Variants in SCOC observed in about 807,000 individuals in gnomAD.
SCOC encodes short coiled coil protein.
SCOC carries 7 observed loss-of-function variants against 9.9 expected under a neutral mutation model. The observed-to-expected ratio is 0.71, with a 90% CI of 0.40 to 1.33. The LOEUF (loss-of-function observed/expected upper bound fraction) is 1.33, where lower values mean the gene tolerates loss of function less well. Ranked by LOEUF, SCOC falls within the 40% of genes most tolerant of loss-of-function variation. The probability of loss-of-function intolerance (pLI) is 0.01; values close to 1 mark genes in which losing one functional copy is unlikely to be tolerated. For missense variants in SCOC, 66 were observed against 89.7 expected, an observed-to-expected ratio of 0.74 and a Z score of 1.07; for synonymous variants, 19 against 28.2, an observed-to-expected ratio of 0.67 and a Z score of 1.03.
Position 140,385,675 on chromosome 4 carries a change from A to G in SCOC, c.*4571A>G, listed in dbSNP as rs1289811943. 1 of 152,258 alleles carries G rather than the reference A, an allele frequency of 6.6e-6. No homozygotes were observed. The highest frequency in any genetic ancestry group is 1.5e-5 in the Non-Finnish European group (1 of 68,046). The allele number at this position is 152,258 out of a possible 1,614,324, so 9.4% of individuals were successfully genotyped here. ...CCAAAGAAAAGCAAAATAGATCTTT[A>G]GAATGTAAAGCCATTCTTTACTTTG... is the stretch of plus-strand genomic sequence containing the variant. On this transcript the variant is annotated 3_prime_UTR_variant, in exon 4 of 4. Coordinates refer to ENST00000608372, the MANE Select transcript of SCOC (RefSeq NM_001153484.2).
intron 3 of SCOC, among the ~76,000 whole-genome samples, chr4:140,379,928 G>A (rs1381191022): frequency 6.6e-6 from 1 of 152,092 alleles, no homozygotes; most frequent in Non-Finnish European, 1.5e-5. Context: ...GTGTTACTAA[G>A]TCCGCTTTAA....
intron 2 of SCOC, among the ~76,000 whole-genome samples, chr4:140,351,562 G>A (rs974783741): frequency 1.3e-5 from 2 of 152,004 alleles, no homozygotes; most frequent in Non-Finnish European, 2.9e-5. Context: ...TCATTGTAAG[G>A]TTGTAATATG....
At chr4:140,296,805 C>T (rs75882025) in intron 1 of SCOC, among the ~76,000 whole-genome samples, 4,614 of 152,230 alleles carry the variant, frequency 0.03, 199 homozygotes, top group African/African-American at 0.11. Context: ...TTCACTATCC[C>T]TGAACACAAA....
At chr4:140,327,511 G>C (rs1365664289) in intron 1 of SCOC, among the ~76,000 whole-genome samples, 2 of 152,176 alleles carry the variant, frequency 1.3e-5, no homozygotes, top group Admixed American at 6.5e-5. Context: ...AAACATGCTT[G>C]ACACATAGCC....
intron 1 of SCOC, among the ~76,000 whole-genome samples, chr4:140,313,508 T>TC (rs1211980679): frequency 6.6e-6 from 1 of 152,156 alleles, no homozygotes; most frequent in African/African-American, 2.4e-5. Flanking sequence ...TGCCTTAGCC[T>TC]CCCAAAGTGC....
At chr4:140,343,152 A>T (rs993160808), upstream of SCOC, among the ~76,000 whole-genome samples, 2 of 152,118 alleles carry the variant, frequency 1.3e-5, no homozygotes, top group Admixed American at 6.5e-5. Flanking sequence ...TTATCCTCAT[A>T]TTACAGATAG....
chr4:140,368,455 G>A (rs527914638), intron 2 of SCOC, among the ~76,000 whole-genome samples: 3 of 152,126 alleles, frequency 2.0e-5, no homozygotes, highest in South Asian at 2.1e-4. Context: ...CAATTCTGGG[G>A]GAAATGCTAA....
rs372596870 is a variant in SCOC at position 140,298,220 on chromosome 4, C to T, written c.-19+40810C>T. 3.0e-4 allele frequency among the ~76,000 whole-genome samples: 46 copies of T among 152,336 alleles called. No individual in the cohort carries two copies. The East Asian group carries it at 6.0e-3, about 20-fold the overall frequency. ...CTGCTGAGTCGTCCCTGGTTCCTGA[C>T]CATGGGCTCTTCGCATCCAGCTCTC... On this transcript the variant is annotated intron_variant, in intron 1 of 4. Transcript: ENST00000394205.
Position 140,379,211 on chromosome 4 carries a change from T to C in SCOC, c.22+19T>C, listed in dbSNP as rs1470357997. 2 of 1,523,774 alleles carry C rather than the reference T, an allele frequency of 1.3e-6. No individual in the cohort carries two copies. The highest frequency in any genetic ancestry group is 1.8e-6 in the Non-Finnish European group (2 of 1,097,754). 94.4% of individuals were successfully genotyped at this position (1,523,774 alleles called of 1,614,324 possible). ...ATGGATGGTATGTTCTTCATTTTCT[T>C]TTTTGTATACTCCTGGTTTTGTGGA... is the stretch of plus-strand genomic sequence containing the variant. On this transcript the variant is annotated intron_variant, in intron 2 of 3. Transcript: ENST00000608372.
intron 2 of SCOC, among the ~76,000 whole-genome samples, chr4:140,351,250 C>T (rs1726966624): frequency 6.6e-6 from 1 of 151,550 alleles, no homozygotes. Flanking sequence ...CTCATGGTAA[C>T]GACAGTGTCC....
chr4:140,277,695 A>G (rs1731013951), intron 1 of SCOC, among the ~76,000 whole-genome samples: 1 of 152,214 alleles, frequency 6.6e-6, no homozygotes, highest in South Asian at 2.1e-4. Context: ...AAAACAAACA[A>G]AGTCTGAAAC....
intron 2 of SCOC, among the ~76,000 whole-genome samples, chr4:140,344,670 C>T (rs1726644583): frequency 6.6e-6 from 1 of 152,038 alleles, no homozygotes; most frequent in East Asian, 1.9e-4. Flanking sequence ...AGGAAAGGTA[C>T]GAGGTACTGG....
chr4:140,339,429 C>T (rs1726412942), upstream of SCOC, among the ~76,000 whole-genome samples: 1 of 152,150 alleles, frequency 6.6e-6, no homozygotes, highest in African/African-American at 2.4e-5. Flanking sequence ...GCAATGGCAA[C>T]TAAAGCCAAA....
In SCOC at chr4:140,380,716, C is replaced by A. The variant is rs180754507; in HGVS notation, c.107-246C>A. Among the ~76,000 whole-genome samples the A allele has an allele frequency of 5.3e-5, 8 of 152,138 alleles. No homozygotes were observed. In the South Asian group the frequency reaches 1.7e-3, roughly 32 times the overall value. Reference sequence around the variant, plus strand: ...AAAATTCACATTTTAAAAACAAAGTCTTTTTAAAAAATTACTCAACATTAA... The same window carrying A: ...AAAATTCACATTTTAAAAACAAAGTATTTTTAAAAAATTACTCAACATTAA... On this transcript the variant is annotated intron_variant, in intron 3 of 3. Coordinates refer to ENST00000608372, the MANE Select transcript of SCOC (RefSeq NM_001153484.2).
intron 2 of SCOC, among the ~76,000 whole-genome samples, chr4:140,365,737 C>T (rs1727764901): frequency 1.3e-5 from 2 of 152,224 alleles, no homozygotes; most frequent in South Asian, 2.1e-4. Context: ...CCCACTTCCA[C>T]GTAATGTAAA....
intron 1 of SCOC, among the ~76,000 whole-genome samples, chr4:140,332,124 C>T (rs1732832254): frequency 6.6e-6 from 1 of 152,088 alleles, no homozygotes; most frequent in Non-Finnish European, 1.5e-5. Context: ...AAACCGCCCC[C>T]GTGATCCAAC....
intron 2 of SCOC, chr4:140,366,245 A>T: frequency 8.2e-7 from 1 of 1,222,930 alleles, no homozygotes; most frequent in Non-Finnish European, 1.1e-6. Context: ...CTTTCTTGCC[A>T]AACGCTTTTG....
chr4:140,322,918 T>A (rs115399937), intron 1 of SCOC, among the ~76,000 whole-genome samples: 3,111 of 152,208 alleles, frequency 0.02, 101 homozygotes, highest in African/African-American at 0.071. Context: ...GAGGCCGCCA[T>A]GCCCACCACA....
At chr4:140,365,609 T>C (rs2874479) in intron 2 of SCOC, among the ~76,000 whole-genome samples, 145,894 of 152,314 alleles carry the variant, frequency 0.96, 69,934 homozygotes, top group East Asian at 1. Flanking sequence ...CCTCCCTTTT[T>C]CTCCTCCATC....
Sources: gnomAD v4.1 joint callset for allele counts (sites outside exome capture counted in the v4.1 genomes callset) on GRCh38, gnomAD v4.1.1 for gene constraint, MANE v1.5 for transcripts, NCBI Gene and HGNC (gene_info 2026-07-23, HGNC 2026-07-21) for gene names.